The following DMTF1 variants were observed in gnomAD, a reference collection of about 807,000 sequenced individuals.
DMTF1 encodes the protein cyclin-D-binding Myb-like transcription factor 1.
Under a neutral mutation model 91.1 loss-of-function variants are expected in DMTF1, and 39 were observed. The ratio of observed to expected loss-of-function variants is 0.43; its 90% CI spans 0.33 to 0.56. The LOEUF is 0.56. Ranked by LOEUF, DMTF1 falls within the 20% of genes least tolerant of loss-of-function variation. The probability of loss-of-function intolerance (pLI) is 0.05; values close to 1 mark genes in which losing one functional copy is unlikely to be tolerated. For missense variants in DMTF1, 750 were observed against 914.5 expected (o/e 0.82, Z 2.32); for synonymous variants, 338 against 309.5 (o/e 1.09, Z -0.97).
chr7:87,155,113 TC>T (rs1392347210), intron 1 of DMTF1, among the ~76,000 whole-genome samples: 1 of 152,212 alleles, frequency 6.6e-6, no homozygotes, highest in Non-Finnish European at 1.5e-5. Flanking sequence ...AAACAAGTAT[TC>T]CTAAGGATTT....
At chr7:87,174,315 C>G (rs1450459059) in intron 6 of DMTF1, among the ~76,000 whole-genome samples, 1 of 151,238 alleles carries the variant, frequency 6.6e-6, no homozygotes, top group Non-Finnish European at 1.5e-5. Context: ...TTCTTTTTAG[C>G]TGTTCTATAT....
At chr7:87,180,834 A>T (rs1210451732) in intron 8 of DMTF1, among the ~76,000 whole-genome samples, 1 of 151,968 alleles carries the variant, frequency 6.6e-6, no homozygotes, top group South Asian at 2.1e-4. Flanking sequence ...AAAAAAATAA[A>T]AATAGAAGCA....
At chr7:87,182,194 G>A (rs369111854) in intron 9 of DMTF1, 34 bp from the exon 10 acceptor site, 2 of 1,613,806 alleles carry the variant, frequency 1.2e-6, no homozygotes, top group Non-Finnish European at 8.5e-7. Flanking sequence ...GAAAACAATT[G>A]AACCAAATGC....
intron 4 of DMTF1, among the ~76,000 whole-genome samples, chr7:87,170,061 T>G (rs1194149809): frequency 2.0e-5 from 3 of 152,214 alleles, no homozygotes; most frequent in African/African-American, 4.8e-5. Flanking sequence ...TACATTTGCT[T>G]CTTTTACAAT....
chr7:87,193,948 C>T lies in DMTF1; in HGVS notation c.1874C>T (p.Pro625Leu), dbSNP rs748734837. 3 of 1,613,304 alleles carry T rather than the reference C, an allele frequency of 1.9e-6. No individual in the cohort carries two copies. The South Asian group carries it at 3.3e-5, about 18-fold the overall frequency. ...EIHHPKMTVE[P>L]SFNDAHVSKF... ...CATCACCCTAAGATGACTGTGGAGC[C>T]ATCATTTAATGATGCTCATGTATCC... Residue 625 changes from proline to leucine, a missense_variant, in exon 16 of 18, where the codon CCA becomes CTA. Physicochemically the swap from Pro to Leu is moderately conservative, Grantham distance 98. Transcript: ENST00000331242.
At chr7:87,181,266 C>T in intron 8 of DMTF1, 43 bp from the exon 9 acceptor site, 2 of 930,144 alleles carry the variant, frequency 2.2e-6, no homozygotes, top group Non-Finnish European at 3.4e-6. Flanking sequence ...TTTTAGCATT[C>T]ATTGTTTTAA....
intron 9 of DMTF1, 47 bp downstream of exon 9, chr7:87,181,388 C>G: frequency 1.1e-6 from 1 of 940,920 alleles, no homozygotes; most frequent in Non-Finnish European, 1.6e-6. Flanking sequence ...TTATGTCTTA[C>G]GTCCTTAAAA....
intron 14 of DMTF1, among the ~76,000 whole-genome samples, chr7:87,191,676 A>G (rs969240460): frequency 2.0e-5 from 3 of 152,142 alleles, no homozygotes; most frequent in Non-Finnish European, 4.4e-5. Context: ...GAAACCAGAC[A>G]ACACAAAATA....
rs145434463 is a variant in DMTF1 at position 87,195,193 on chromosome 7, A to C, written c.*53A>C. 1,342 of 1,288,496 alleles carry C rather than the reference A, an allele frequency of 1.0e-3. 10 individuals carry two copies. The highest frequency in any genetic ancestry group is 6.6e-3 in the East Asian group (283 of 43,056). 79.8% of individuals were successfully genotyped at this position (1,288,496 alleles called of 1,614,324 possible). ...GCAAAGAAGGCACACTGTTAATTACAACCTCTTCAAAGAAATAGGAGCAAC... is the reference window on the plus strand; with the variant it reads ...GCAAAGAAGGCACACTGTTAATTACCACCTCTTCAAAGAAATAGGAGCAAC... On this transcript the variant is annotated 3_prime_UTR_variant, in exon 18 of 18. Coordinates refer to ENST00000331242, the MANE Select transcript of DMTF1 (RefSeq NM_001142327.2).
At chr7:87,192,011 A>G (rs987810394) in intron 14 of DMTF1, among the ~76,000 whole-genome samples, 12 of 152,094 alleles carry the variant, frequency 7.9e-5, no homozygotes, top group African/African-American at 2.7e-4. Flanking sequence ...TCAGTCTCCT[A>G]ATCTAGTGGT....
intron 7 of DMTF1, among the ~76,000 whole-genome samples, chr7:87,176,785 A>G (rs190384435): frequency 1.3e-5 from 2 of 152,326 alleles, no homozygotes; most frequent in Non-Finnish European, 2.9e-5. Flanking sequence ...GTTTTTGACC[A>G]TAGCTTTTAT....
intron 4 of DMTF1, 98 bp downstream of exon 4, chr7:87,166,703 C>G (rs1009168168): frequency 1.3e-5 from 15 of 1,180,042 alleles, no homozygotes; most frequent in Non-Finnish European, 1.5e-5. Context: ...CTTGGACTTA[C>G]TGCTTTTTTC....
intron 12 of DMTF1, chr7:87,187,098 G>A (rs1239085829): frequency 2.0e-5 from 3 of 152,106 alleles, no homozygotes; most frequent in Non-Finnish European, 4.4e-5. Flanking sequence ...TTTGCATTTA[G>A]GTATTAAACT....
intron 1 of DMTF1, among the ~76,000 whole-genome samples, chr7:87,161,858 C>A (rs1281380789): frequency 6.6e-6 from 1 of 152,172 alleles, no homozygotes; most frequent in Non-Finnish European, 1.5e-5. Flanking sequence ...CAGTTTGCAT[C>A]TCAATGGTTG....
chr7:87,193,651 G>C lies in DMTF1; in HGVS notation c.1651-74G>C, dbSNP rs535090123. The stretch of plus-strand genomic sequence containing the variant: ...TTACAGTTTGAGAGGTAAGAGATGT[G>C]GGGGGAGACAGTGAGGTACCCCCAT... On this transcript the variant is annotated intron_variant, in intron 15 of 17. Coordinates refer to ENST00000331242, the MANE Select transcript of DMTF1 (RefSeq NM_001142327.2). 43 of 1,315,396 alleles carry C rather than the reference G, an allele frequency of 3.3e-5. No homozygotes were observed. In the African/African-American group the frequency reaches 5.0e-4, roughly 15 times the overall value. The allele number at this position is 1,315,396 out of a possible 1,614,324, so 81.5% of individuals were successfully genotyped here. A position where few individuals can be genotyped will look rare whatever the true frequency, so the allele number is the denominator to read the frequency against.
At chr7:87,173,415 G>T in intron 5 of DMTF1, 120 bp from the exon 6 acceptor site, 1 of 497,802 alleles carries the variant, frequency 2.0e-6, no homozygotes, top group Non-Finnish European at 3.6e-6. Flanking sequence ...AATTCCATAT[G>T]ACTATATTTA....
intron 15 of DMTF1, 29 bp from the exon 16 acceptor site, chr7:87,193,696 A>C (rs553123755): frequency 6.4e-7 from 1 of 1,555,228 alleles, no homozygotes; most frequent in South Asian, 1.2e-5. Flanking sequence ...TTGATTTACA[A>C]CTTTAACAGG....
rs770114803 is a variant in DMTF1, at chr7:87,174,659, G to T, written c.509G>T (p.Arg170Leu). 2 of 1,604,314 alleles carry T rather than the reference G, an allele frequency of 1.2e-6. No individual in the cohort carries two copies. The highest frequency in any genetic ancestry group is 1.7e-6 in the Non-Finnish European group (2 of 1,174,144). ...GATATTTTGATGAACAATATTGAAC[G>T]CTATCTTAAGGTATCTTATGGCATA... ...EIDILMNNIERYLKARGIKDA... is the reference protein window; with the variant it reads ...EIDILMNNIELYLKARGIKDA... The change falls in exon 7 of 18, where the codon CGC becomes CTC. Residue 170 changes from arginine to leucine, a missense_variant. By Grantham distance (102) the Arg-to-Leu change is moderately radical. Around this residue, in one of 3 missense-constraint regions of DMTF1, gnomAD observed 190 missense variants for 343.8 expected, o/e 0.55. Coordinates refer to ENST00000331242, the MANE Select transcript of DMTF1 (RefSeq NM_001142327.2).
chr7:87,172,308 G>A (rs1795253069), intron 5 of DMTF1, among the ~76,000 whole-genome samples: 1 of 152,112 alleles, frequency 6.6e-6, no homozygotes, highest in South Asian at 2.1e-4. Context: ...TGTAAATAGA[G>A]GGCTATAAAA....
Sources: gnomAD v4.1 joint callset for allele counts (sites outside exome capture counted in the v4.1 genomes callset) on GRCh38, gnomAD v4.1.1 for gene constraint, gnomAD v4.1.1 regional missense constraint, MANE v1.5 for transcripts, NCBI Gene and HGNC (gene_info 2026-07-23, HGNC 2026-07-21) for gene names.